MYO5B: variants seen among roughly 807,000 people sequenced by gnomAD.
The protein encoded by MYO5B is unconventional myosin-Vb.
MYO5B carries 143 observed loss-of-function variants against 229.3 expected under a neutral mutation model. The observed-to-expected ratio is 0.62, with a 90% CI of 0.54 to 0.72. MYO5B has a LOEUF of 0.72. Ranked by LOEUF, MYO5B falls within the 30% of genes least tolerant of loss-of-function variation. The pLI, the probability that MYO5B is intolerant of heterozygous loss-of-function variation, is 0.00. For synonymous variants in MYO5B, 918 were observed against 885.2 expected, an observed-to-expected ratio of 1.04 and a Z score of -0.66; for missense variants, 2,321 against 2,331.0, an observed-to-expected ratio of 1.00 and a Z score of 0.09.
chr18:49,916,361 G>A (rs547902142), intron 17 of MYO5B, among the ~76,000 whole-genome samples: 8 of 152,208 alleles, frequency 5.3e-5, no homozygotes, highest in African/African-American at 7.2e-5. Context: ...GATGCCGGCC[G>A]GCAGTGCGAC....
chr18:50,003,211 C>A (rs934170566), intron 4 of MYO5B, among the ~76,000 whole-genome samples: 3 of 152,168 alleles, frequency 2.0e-5, no homozygotes, highest in African/African-American at 7.2e-5. Context: ...TGGGGATGGA[C>A]CTGAGTGGAT....
At chr18:49,985,127 T>C (rs1439704812) in intron 7 of MYO5B, among the ~76,000 whole-genome samples, 1 of 152,222 alleles carries the variant, frequency 6.6e-6, no homozygotes, top group Non-Finnish European at 1.5e-5. Flanking sequence ...TTAATAGGAT[T>C]CATCACAGAT....
intron 6 of MYO5B, 69 bp from the exon 7 acceptor site, chr18:49,990,589 T>C (rs2025920252): frequency 1.5e-6 from 2 of 1,344,438 alleles, no homozygotes; most frequent in South Asian, 2.4e-5. Context: ...GCCACTGTAA[T>C]CCCAGGGTGC....
In MYO5B at chr18:49,863,260, A is replaced by C. The variant is rs761217430; in HGVS notation, c.3911T>G (p.Ile1304Ser). ...SEKHVDQEDA[I>S]EAYHGVCQTN... ...CTGGCAGACCCCGTGATAGGCCTCA[A>C]TGGCATCCTCCTGGTCAACATGCTT... Residue 1304 changes from isoleucine to serine, a missense_variant, in exon 29 of 40, where the codon ATT becomes AGT. Around this residue, in one of 2 missense-constraint regions of MYO5B, gnomAD observed 2,113 missense variants for 2,044.7 expected, o/e 1.03. Transcript: ENST00000285039. 6.2e-7 allele frequency: 1 copy of C among 1,613,508 alleles called. No homozygotes were observed. Among genetic ancestry groups the C allele is most frequent in the East Asian group, 2.2e-5 (1 of 44,878 alleles).
At chr18:50,020,290 C>A (rs2026260035) in intron 4 of MYO5B, among the ~76,000 whole-genome samples, 1 of 152,192 alleles carries the variant, frequency 6.6e-6, no homozygotes, top group South Asian at 2.1e-4. Flanking sequence ...ATGCATCCAA[C>A]ATTTCAGTAT....
At chr18:49,947,950 T>C (rs950412546) in intron 14 of MYO5B, among the ~76,000 whole-genome samples, 2 of 152,234 alleles carry the variant, frequency 1.3e-5, no homozygotes, top group African/African-American at 4.8e-5. Context: ...GCCATGTTGG[T>C]GTGCTGCACC....
chr18:50,167,430 C>T (rs557931106), intron 1 of MYO5B, among the ~76,000 whole-genome samples: 15 of 152,322 alleles, frequency 9.8e-5, no homozygotes, highest in African/African-American at 3.6e-4. Context: ...CTATTCATCC[C>T]CACTCCATTC....
chr18:50,175,553 G>T (rs1430231622), intron 1 of MYO5B, among the ~76,000 whole-genome samples: 1 of 152,174 alleles, frequency 6.6e-6, no homozygotes, highest in Non-Finnish European at 1.5e-5. Context: ...ATTTTTATGG[G>T]TAAGTAGAAT....
chr18:49,942,459 T>C (rs1039900876), intron 14 of MYO5B, among the ~76,000 whole-genome samples: 21 of 148,034 alleles, frequency 1.4e-4, no homozygotes, highest in Non-Finnish European at 1.2e-4. Flanking sequence ...TTTTGCAATC[T>C]ACTCATCTGA....
intron 29 of MYO5B, among the ~76,000 whole-genome samples, chr18:49,857,921 C>G (rs1220411722): frequency 6.6e-6 from 1 of 152,212 alleles, no homozygotes; most frequent in Non-Finnish European, 1.5e-5. Flanking sequence ...AGCCTCTGTT[C>G]CTGGAGTACT....
intron 1 of MYO5B, among the ~76,000 whole-genome samples, chr18:50,084,012 C>G (rs1388205453): frequency 1.3e-5 from 2 of 152,202 alleles, no homozygotes; most frequent in East Asian, 3.9e-4. Flanking sequence ...CAAGTCATAT[C>G]ATCTCCCTGT....
chr18:50,136,672 G>C (rs1208927094), intron 1 of MYO5B, among the ~76,000 whole-genome samples: 1 of 152,166 alleles, frequency 6.6e-6, no homozygotes, highest in African/African-American at 2.4e-5. Flanking sequence ...GGATCTTAGG[G>C]TCTAAGGCAT....
chr18:50,009,568 G>T (rs1034893452), intron 4 of MYO5B, among the ~76,000 whole-genome samples: 21 of 152,180 alleles, frequency 1.4e-4, no homozygotes, highest in African/African-American at 4.8e-4. Flanking sequence ...GGAACGAAAG[G>T]TTATGTGGGG....
At position 50,091,582 on chromosome 18, in the gene MYO5B, G is replaced by A. The variant is rs562871021; in HGVS notation, c.28-36204C>T. Among the ~76,000 whole-genome samples the A allele has an allele frequency of 3.9e-5, 6 of 152,236 alleles. No individual in the cohort carries two copies. The East Asian group carries it at 5.8e-4, about 15-fold the overall frequency. On this transcript the variant is annotated intron_variant, in intron 1 of 39. Coordinates refer to ENST00000285039, the MANE Select transcript of MYO5B (RefSeq NM_001080467.3). ...ACAACAAAAAGTAACTGGTAGCCCC[G>A]AAACTTCAACCCAAATCTGGCAACT...
At chr18:49,886,675 T>G (rs1481077007) in intron 22 of MYO5B, among the ~76,000 whole-genome samples, 1 of 152,330 alleles carries the variant, frequency 6.6e-6, no homozygotes, top group East Asian at 1.9e-4. Context: ...TTATTGCCTA[T>G]AATAATTAAT....
rs187759908 is a variant in MYO5B at position 50,162,331 on chromosome 18, T to C, written c.27+32436A>G. 4.3e-5 allele frequency among the ~76,000 whole-genome samples: 6 copies of C among 140,224 alleles called. No individual in the cohort carries two copies. The East Asian group carries it at 1.5e-3, about 36-fold the overall frequency. The allele number at this position is 140,224 out of a possible 152,430, so 92.0% of individuals were successfully genotyped here. ...AGCAAATTCCTGCCAAGTGCTAGCATATTTTCAAAACATCATTACCACTCC... is the reference window on the plus strand; with the variant it reads ...AGCAAATTCCTGCCAAGTGCTAGCACATTTTCAAAACATCATTACCACTCC... On this transcript the variant is annotated intron_variant, in intron 1 of 39. Coordinates refer to ENST00000285039, the MANE Select transcript of MYO5B (RefSeq NM_001080467.3).
chr18:49,932,209 C>T (rs966333259), intron 16 of MYO5B, among the ~76,000 whole-genome samples: 3 of 152,220 alleles, frequency 2.0e-5, no homozygotes, highest in Non-Finnish European at 2.9e-5. Flanking sequence ...TGCTTCCTGA[C>T]CTCTGGCATC....
chr18:49,876,246 A>G, intron 25 of MYO5B: 1 of 304,270 alleles, frequency 3.3e-6, no homozygotes, highest in South Asian at 3.1e-5. Context: ...CAATCACTGC[A>G]ATGTGCTGTC....
chr18:50,180,769 C>T (rs746963096), intron 1 of MYO5B, among the ~76,000 whole-genome samples: 1 of 152,162 alleles, frequency 6.6e-6, no homozygotes, highest in East Asian at 1.9e-4. Context: ...GAAACATACA[C>T]TTATCTTTGG....
Sources: allele counts gnomAD v4.1 joint callset (sites outside exome capture counted in the v4.1 genomes callset), GRCh38; gene constraint gnomAD v4.1.1; regional missense constraint gnomAD v4.1.1; transcripts MANE v1.5; gene names NCBI Gene and HGNC (gene_info 2026-07-23, HGNC 2026-07-21).